RMND5A: variants seen among roughly 807,000 people sequenced by gnomAD.
RMND5A encodes required for meiotic nuclear division 5 homolog A.
In RMND5A, 17 loss-of-function variants were observed where a neutral mutation model predicts 49.7. The ratio of observed to expected loss-of-function variants is 0.34; its 90% confidence interval spans 0.23 to 0.51. The LOEUF (loss-of-function observed/expected upper bound fraction) is 0.51, where lower values mean the gene tolerates loss of function less well. Ranked by LOEUF, RMND5A falls within the 20% of genes least tolerant of loss-of-function variation. The probability of loss-of-function intolerance (pLI) is 0.96; values close to 1 mark genes in which losing one functional copy is unlikely to be tolerated. For synonymous variants in RMND5A, 156 were observed against 167.7 expected (o/e 0.93, Z 0.54); for missense variants, 255 against 471.3 (o/e 0.54, Z 4.25).
intron 2 of RMND5A, among the ~76,000 whole-genome samples, chr2:86,746,133 C>T (rs999334349): frequency 3.3e-5 from 5 of 152,002 alleles, no homozygotes; most frequent in Non-Finnish European, 7.4e-5. Flanking sequence ...CCAGAACTGC[C>T]TTTTATGTTG....
intron 7 of RMND5A, chr2:86,771,294 T>TA: frequency 3.0e-6 from 1 of 338,532 alleles, no homozygotes; most frequent in Non-Finnish European, 5.4e-6. Flanking sequence ...GTCAAGCCAG[T>TA]AAAGCCATTA....
intron 6 of RMND5A, among the ~76,000 whole-genome samples, chr2:86,766,995 G>A (rs1672609451): frequency 6.6e-6 from 1 of 152,150 alleles, no homozygotes; most frequent in Non-Finnish European, 1.5e-5. Context: ...TTGAGAAAAA[G>A]TATGTTGTTT....
chr2:86,760,633 G>T (rs1672463051), intron 4 of RMND5A, among the ~76,000 whole-genome samples: 1 of 152,168 alleles, frequency 6.6e-6, no homozygotes. Context: ...ACAGCTGTGT[G>T]GGTTGTGTCA....
At chr2:86,767,130 C>T (rs1436446322) in intron 6 of RMND5A, among the ~76,000 whole-genome samples, 2 of 152,122 alleles carry the variant, frequency 1.3e-5, no homozygotes, top group African/African-American at 4.8e-5. Flanking sequence ...GTGGCGCAAT[C>T]TCAGCTCACT....
intron 2 of RMND5A, among the ~76,000 whole-genome samples, chr2:86,751,355 G>A (rs1440897033): frequency 6.6e-6 from 1 of 152,182 alleles, no homozygotes; most frequent in African/African-American, 2.4e-5. Flanking sequence ...AAAATCTGTA[G>A]TATGCTGTTT....
At chr2:86,726,590 G>T (rs1681285710) in intron 1 of RMND5A, among the ~76,000 whole-genome samples, 1 of 75,786 alleles carries the variant, frequency 1.3e-5, no homozygotes, top group African/African-American at 5.4e-5. Flanking sequence ...AAGTTATTTA[G>T]GCCATTTTAG....
At chr2:86,748,077 A>G (rs1333900710) in intron 2 of RMND5A, among the ~76,000 whole-genome samples, 1 of 152,208 alleles carries the variant, frequency 6.6e-6, no homozygotes, top group Non-Finnish European at 1.5e-5. Context: ...AGAAGATGTT[A>G]ATTATAGATG....
intron 1 of RMND5A, among the ~76,000 whole-genome samples, chr2:86,736,384 A>G (rs1681402130): frequency 8.7e-6 from 1 of 114,864 alleles, no homozygotes; most frequent in African/African-American, 3.0e-5. Flanking sequence ...GAGTTCTGCC[A>G]TGTTGCCCAA....
intron 2 of RMND5A, among the ~76,000 whole-genome samples, chr2:86,746,049 A>T (rs776252785): frequency 1.3e-5 from 2 of 152,206 alleles, no homozygotes; most frequent in African/African-American, 4.8e-5. Context: ...TGCTGACTGT[A>T]TTAAGGAGTG....
intron 1 of RMND5A, among the ~76,000 whole-genome samples, chr2:86,721,951 T>TA (rs1681235099): frequency 8.1e-6 from 1 of 123,430 alleles, no homozygotes; most frequent in South Asian, 2.9e-4. Context: ...AAAGGAGTCT[T>TA]ACAGCAGCTT....
Position 86,773,442 on chromosome 2 carries a change from G to T in RMND5A, c.*31G>T, listed in dbSNP as rs1377385548. On this transcript the variant is annotated 3_prime_UTR_variant, in exon 9 of 9. Coordinates refer to ENST00000283632, the MANE Select transcript of RMND5A (RefSeq NM_022780.4). ...TAACTTTAGTTTGCAATTTGTAAGT[G>T]AAACTGAATCGTGGGTGCATTTCAG... The T allele has an allele frequency of 1.4e-6, 2 of 1,396,952 alleles. No individual in the cohort carries two copies. Among genetic ancestry groups the T allele is most frequent in the Admixed American group, 3.4e-5 (2 of 59,670 alleles). The allele number at this position is 1,396,952 out of a possible 1,614,324, so 86.5% of individuals were successfully genotyped here.
In RMND5A at chr2:86,777,362, GGAAT is replaced by G. The variant is rs1672787236; in HGVS notation, c.*3957_*3960del. ...CTGATCTTTTTTTTGGGAAGGGGCG[GGAAT>G]GAATGTGTTGGGGCTGGGAGGGAAG... On this transcript the variant is annotated 3_prime_UTR_variant, in exon 9 of 9. Transcript: ENST00000283632. The G allele has an allele frequency of 6.6e-6, 1 of 152,154 alleles. No individual in the cohort carries two copies. Among genetic ancestry groups the G allele is most frequent in the African/African-American group, 2.4e-5 (1 of 41,422 alleles). The allele number at this position is 152,154 out of a possible 1,614,324, so 9.4% of individuals were successfully genotyped here. A position where few individuals can be genotyped will look rare whatever the true frequency, so the allele number is the denominator to read the frequency against.
chr2:86,754,733 T>A (rs530844216), intron 4 of RMND5A, among the ~76,000 whole-genome samples: 73 of 151,616 alleles, frequency 4.8e-4, no homozygotes, highest in Non-Finnish European at 8.4e-4. Context: ...TTAAAAAAAA[T>A]TTTTTTTTGT....
Position 86,773,342 on chromosome 2 carries a change from C to G in RMND5A, c.1113-6C>G, listed in dbSNP as rs1188430711. ...CTTCACTCAGTGTTTTCTTCTTTGTCTTTAGATTAAAATGTCCCTACTGTC... is the reference window on the plus strand; with the variant it reads ...CTTCACTCAGTGTTTTCTTCTTTGTGTTTAGATTAAAATGTCCCTACTGTC... On this transcript the variant is annotated splice_polypyrimidine_tract_variant and splice_region_variant and intron_variant, in intron 8 of 8. Transcript: ENST00000283632. 1 of 1,584,760 alleles carries G rather than the reference C, an allele frequency of 6.3e-7. No homozygotes were observed. Among genetic ancestry groups the G allele is most frequent in the South Asian group, 1.1e-5 (1 of 90,240 alleles).
At chr2:86,757,968 T>A (rs1050415723) in intron 4 of RMND5A, among the ~76,000 whole-genome samples, 10 of 152,204 alleles carry the variant, frequency 6.6e-5, no homozygotes, top group Non-Finnish European at 1.0e-4. Context: ...CTAGAAAATG[T>A]TCAAAGTTCT....
chr2:86,765,627 A>G (rs1217808617), intron 5 of RMND5A: 1 of 486,954 alleles, frequency 2.1e-6, no homozygotes, highest in African/African-American at 1.9e-5. Context: ...ACTATGCTGT[A>G]GAGAAGAATT....
At position 86,775,727 on chromosome 2, in the gene RMND5A, T is replaced by C. The variant is rs1020814578; in HGVS notation, c.*2316T>C. 1 of 152,172 alleles carries C rather than the reference T, an allele frequency of 6.6e-6. No individual in the cohort carries two copies. The highest frequency in any genetic ancestry group is 2.4e-5 in the African/African-American group (1 of 41,442). The allele number at this position is 152,172 out of a possible 1,614,324, so 9.4% of individuals were successfully genotyped here. On this transcript the variant is annotated 3_prime_UTR_variant, in exon 9 of 9. Transcript: ENST00000283632. ...CTGAAACTCTTATGAATCTGACATATTATATGGAAATTATATCTTGTGACC... is the reference window on the plus strand; with the variant it reads ...CTGAAACTCTTATGAATCTGACATACTATATGGAAATTATATCTTGTGACC...
chr2:86,754,293 C>T (rs1364626333), intron 4 of RMND5A, among the ~76,000 whole-genome samples: 1 of 152,120 alleles, frequency 6.6e-6, no homozygotes, highest in Non-Finnish European at 1.5e-5. Flanking sequence ...GTTTGCTGGC[C>T]CCAGTCCTAA....
intron 6 of RMND5A, among the ~76,000 whole-genome samples, chr2:86,769,221 C>T (rs1030195947): frequency 2.6e-5 from 4 of 152,198 alleles, no homozygotes; most frequent in African/African-American, 9.7e-5. Flanking sequence ...GCTGCAATTA[C>T]AGGAGTGAGC....
Sources: gnomAD v4.1 joint callset for allele counts (sites outside exome capture counted in the v4.1 genomes callset) on GRCh38, gnomAD v4.1.1 for gene constraint, MANE v1.5 for transcripts, NCBI Gene and HGNC (gene_info 2026-07-23, HGNC 2026-07-21) for gene names.